Variants in RIT2 observed in about 807,000 individuals in gnomAD.
RIT2 encodes GTP-binding protein Rit2.
RIT2 carries 24 observed loss-of-function variants against 23.7 expected under a neutral mutation model. That is an observed-to-expected ratio of 1.01 (90% confidence interval 0.73 to 1.43). The LOEUF is 1.43. Ranked by LOEUF, RIT2 falls within the 40% of genes most tolerant of loss-of-function variation. The probability of loss-of-function intolerance (pLI) is 0.00; values close to 1 mark genes in which losing one functional copy is unlikely to be tolerated. For synonymous variants in RIT2, 107 were observed against 91.1 expected (o/e 1.17, Z -0.99); for missense variants, 236 against 266.9 (o/e 0.88, Z 0.81).
intron 3 of RIT2, among the ~76,000 whole-genome samples, chr18:42,935,337 CAGTT>C (rs1909428066): frequency 6.6e-6 from 1 of 152,134 alleles, no homozygotes; most frequent in Non-Finnish European, 1.5e-5. Flanking sequence ...GGACACTGCT[CAGTT>C]AGGAAATGTG....
chr18:42,778,424 G>T (rs1010565058), intron 4 of RIT2, among the ~76,000 whole-genome samples: 3 of 152,022 alleles, frequency 2.0e-5, no homozygotes, highest in Admixed American at 1.3e-4. Context: ...GTTTGCTAAT[G>T]ATTAATTATC....
At chr18:42,864,575 G>A (rs1598689494) in intron 4 of RIT2, among the ~76,000 whole-genome samples, 1 of 152,286 alleles carries the variant, frequency 6.6e-6, no homozygotes, top group African/African-American at 2.4e-5. Context: ...CATTTTGGCA[G>A]TTTTCAAAGA....
chr18:42,940,236 C>CTATATATATATATA lies in RIT2; in HGVS notation c.235-16487_235-16474dup, dbSNP rs5824460. On this transcript the variant is annotated intron_variant, in intron 3 of 4. Coordinates refer to ENST00000326695, the MANE Select transcript of RIT2 (RefSeq NM_002930.4). Reference sequence around the variant, plus strand: ...CCTCTCTCAAATTTTGAAAGGCTCACTATATATATATATATATATATATAT... The same window carrying CTATATATATATATA: ...CCTCTCTCAAATTTTGAAAGGCTCACTATATATATATATATATATATATATATATATATATATAT... Among the ~76,000 whole-genome samples the CTATATATATATATA allele has an allele frequency of 5.7e-3, 496 of 86,806 alleles. 6 individuals carry two copies. Among genetic ancestry groups the CTATATATATATATA allele is most frequent in the East Asian group, 0.014 (22 of 1,610 alleles). 56.9% of individuals were successfully genotyped at this position (86,806 alleles called of 152,430 possible). A position where few individuals can be genotyped will look rare whatever the true frequency, so the allele number is the denominator to read the frequency against.
intron 1 of RIT2, among the ~76,000 whole-genome samples, chr18:43,050,957 T>C (rs1307558136): frequency 6.6e-6 from 1 of 152,116 alleles, no homozygotes; most frequent in Non-Finnish European, 1.5e-5. Flanking sequence ...AGTGTCTCCC[T>C]GAGTTCTCTG....
chr18:42,743,424 A>G lies in RIT2; in HGVS notation c.*69T>C, dbSNP rs1912838713. 8.9e-7 allele frequency: 1 copy of G among 1,119,596 alleles called. No individual in the cohort carries two copies. The highest frequency in any genetic ancestry group is 1.3e-6 in the Non-Finnish European group (1 of 745,274). 69.4% of individuals were successfully genotyped at this position (1,119,596 alleles called of 1,614,324 possible). The stretch of plus-strand genomic sequence containing the variant: ...ACACATAGAGAGATAATATTGAAGC[A>G]GAATGCTACATATGGAATTGTCCAA... On this transcript the variant is annotated 3_prime_UTR_variant, in exon 5 of 5. Transcript: ENST00000326695.
chr18:42,945,893 G>A (rs886466829), intron 3 of RIT2, among the ~76,000 whole-genome samples: 2 of 152,120 alleles, frequency 1.3e-5, no homozygotes, highest in Non-Finnish European at 2.9e-5. Flanking sequence ...ATCATTGGAA[G>A]TATTTGCATG....
At chr18:43,096,166 A>C (rs895723861) in intron 1 of RIT2, among the ~76,000 whole-genome samples, 13 of 152,012 alleles carry the variant, frequency 8.6e-5, no homozygotes, top group Admixed American at 2.6e-4. Context: ...ATTTCCTGAG[A>C]GTCTGTTAAG....
chr18:43,032,913 C>G (rs1403740767), intron 2 of RIT2, among the ~76,000 whole-genome samples: 1 of 151,994 alleles, frequency 6.6e-6, no homozygotes, highest in Non-Finnish European at 1.5e-5. Flanking sequence ...ATAATAGAAA[C>G]TAGATGATCT....
At chr18:42,932,094 A>C (rs1425874054) in intron 3 of RIT2, among the ~76,000 whole-genome samples, 1 of 152,176 alleles carries the variant, frequency 6.6e-6, no homozygotes, top group Non-Finnish European at 1.5e-5. Context: ...TCTCCAGATA[A>C]TTATAAAATT....
intron 4 of RIT2, among the ~76,000 whole-genome samples, chr18:42,825,941 A>G (rs1248536413): frequency 6.6e-6 from 1 of 152,024 alleles, no homozygotes; most frequent in African/African-American, 2.4e-5. Context: ...TAAATGCATA[A>G]TTTTCATCTG....
intron 3 of RIT2, among the ~76,000 whole-genome samples, chr18:42,933,076 C>T (rs1909366155): frequency 6.6e-6 from 1 of 151,958 alleles, no homozygotes; most frequent in Non-Finnish European, 1.5e-5. Flanking sequence ...ACTTATATTG[C>T]TTGGTAGATT....
At chr18:43,069,723 T>C (rs1430354362) in intron 1 of RIT2, among the ~76,000 whole-genome samples, 2 of 152,182 alleles carry the variant, frequency 1.3e-5, no homozygotes, top group Non-Finnish European at 2.9e-5. Context: ...CACAGACTTC[T>C]GGGTTTGGTC....
intron 1 of RIT2, among the ~76,000 whole-genome samples, chr18:43,068,325 A>T (rs1443183397): frequency 1.3e-5 from 2 of 152,182 alleles, no homozygotes; most frequent in African/African-American, 4.8e-5. Context: ...GCTCAGACTC[A>T]GGCTTGGGAA....
At chr18:42,935,418 C>T (rs1303611195) in intron 3 of RIT2, among the ~76,000 whole-genome samples, 2 of 152,118 alleles carry the variant, frequency 1.3e-5, no homozygotes, top group Admixed American at 6.6e-5. Context: ...TGGCAGTCTT[C>T]TGCCTGCAAG....
At chr18:42,758,148 A>G (rs1309191522) in intron 4 of RIT2, among the ~76,000 whole-genome samples, 2 of 152,040 alleles carry the variant, frequency 1.3e-5, no homozygotes, top group Non-Finnish European at 2.9e-5. Flanking sequence ...TTACGCTCTT[A>G]TATCTGCCCT....
At chr18:42,929,856 A>C (rs989974502) in intron 3 of RIT2, among the ~76,000 whole-genome samples, 1 of 152,100 alleles carries the variant, frequency 6.6e-6, no homozygotes, top group African/African-American at 2.4e-5. Flanking sequence ...GACTCCATGG[A>C]CAGGTGCCCC....
intron 2 of RIT2, among the ~76,000 whole-genome samples, chr18:43,010,608 A>G (rs1911328529): frequency 6.6e-6 from 1 of 151,804 alleles, no homozygotes; most frequent in Non-Finnish European, 1.5e-5. Flanking sequence ...AAACAGTTGC[A>G]TTTTCACTGG....
At chr18:43,056,513 T>C (rs1381513153) in intron 1 of RIT2, among the ~76,000 whole-genome samples, 2 of 152,162 alleles carry the variant, frequency 1.3e-5, no homozygotes, top group Non-Finnish European at 2.9e-5. Context: ...AAGGAAATTC[T>C]ATCACCCATC....
intron 4 of RIT2, among the ~76,000 whole-genome samples, chr18:42,873,310 TATAGTGGAA>T (rs1334492703): frequency 6.6e-6 from 1 of 152,170 alleles, no homozygotes; most frequent in African/African-American, 2.4e-5. Flanking sequence ...GAAGCCTTTA[TATAGTGGAA>T]AAACATTTAA....
Sources: gnomAD v4.1 joint callset for allele counts (sites outside exome capture counted in the v4.1 genomes callset) on GRCh38, gnomAD v4.1.1 for gene constraint, MANE v1.5 for transcripts, NCBI Gene and HGNC (gene_info 2026-07-23, HGNC 2026-07-21) for gene names.